The following GPD2 variants were observed in gnomAD, a reference collection of about 807,000 sequenced individuals.
GPD2 encodes the protein glycerol-3-phosphate dehydrogenase 2.
A neutral mutation model predicts 82.4 loss-of-function variants in GPD2; 54 were observed. That is an observed-to-expected ratio of 0.66 (90% CI 0.53 to 0.82). GPD2 has a LOEUF of 0.82. Among genes scored for constraint, GPD2 ranks in the 40% least tolerant of loss-of-function variants. The pLI, the probability that GPD2 is intolerant of heterozygous loss-of-function variation, is 0.00. For missense variants in GPD2, 748 were observed against 896.2 expected (o/e 0.83, Z 2.11); for synonymous variants, 288 against 306.1 (o/e 0.94, Z 0.62).
At position 156,586,376 on chromosome 2, in the gene GPD2, A is replaced by G. The variant is rs1688214967; in HGVS notation, c.*3458A>G. On this transcript the variant is annotated 3_prime_UTR_variant, in exon 17 of 17. Coordinates refer to ENST00000438166, the MANE Select transcript of GPD2 (RefSeq NM_000408.5). ...TTCTGTATTTGTGCAATCCTATTCT[A>G]CAATTACATTCATCCTATTACAACT... 6.6e-6 allele frequency: 1 copy of G among 152,036 alleles called. No homozygotes were observed. The highest frequency in any genetic ancestry group is 1.5e-5 in the Non-Finnish European group (1 of 67,940). The allele number at this position is 152,036 out of a possible 1,614,324, so 9.4% of individuals were successfully genotyped here.
chr2:156,452,698 A>C (rs747616637), intron 1 of GPD2, among the ~76,000 whole-genome samples: 1 of 152,228 alleles, frequency 6.6e-6, no homozygotes, highest in African/African-American at 2.4e-5. Flanking sequence ...GTGAATTTCT[A>C]TGCTGACAAA....
intron 3 of GPD2, among the ~76,000 whole-genome samples, chr2:156,500,356 C>T (rs1684544963): frequency 6.6e-6 from 1 of 151,996 alleles, no homozygotes; most frequent in South Asian, 2.1e-4. Flanking sequence ...ACTACAATTC[C>T]TGATCATATC....
intron 8 of GPD2, among the ~76,000 whole-genome samples, chr2:156,556,239 A>G (rs1363009366): frequency 1.3e-5 from 2 of 152,188 alleles, no homozygotes; most frequent in Non-Finnish European, 2.9e-5. Context: ...CAAACCAAAT[A>G]GAATTACGTT....
At chr2:156,425,094 T>TG in the GPD2 span, among the ~76,000 whole-genome samples, 2 of 151,388 alleles carry the variant, frequency 1.3e-5, no homozygotes, top group Non-Finnish European at 2.9e-5. Flanking sequence ...ATTTTATTTT[T>TG]TTTTTTGTTT....
the GPD2 span, among the ~76,000 whole-genome samples, chr2:156,417,998 C>T: frequency 2.0e-5 from 3 of 152,072 alleles, no homozygotes; most frequent in Non-Finnish European, 2.9e-5. Flanking sequence ...GGGCGGATCA[C>T]GAGGTCAGGA....
At chr2:156,544,975 GT>G (rs1215467832) in intron 6 of GPD2, among the ~76,000 whole-genome samples, 8 of 152,124 alleles carry the variant, frequency 5.3e-5, no homozygotes, top group Non-Finnish European at 1.0e-4. Flanking sequence ...AAATTGCCTT[GT>G]TATCACAATT....
At chr2:156,455,128 C>T (rs907912205) in intron 1 of GPD2, among the ~76,000 whole-genome samples, 5 of 151,986 alleles carry the variant, frequency 3.3e-5, no homozygotes, top group Admixed American at 6.6e-5. Context: ...TCGTGCTGTC[C>T]CCTCTGTAAT....
chr2:156,427,214 A>C, the GPD2 span, among the ~76,000 whole-genome samples: 1 of 152,340 alleles, frequency 6.6e-6, no homozygotes, highest in East Asian at 1.9e-4. Flanking sequence ...CTGGCTGCTG[A>C]AAGCCACTTA....
At chr2:156,418,447 G>A in the GPD2 span, among the ~76,000 whole-genome samples, 1 of 151,966 alleles carries the variant, frequency 6.6e-6, no homozygotes, top group South Asian at 2.1e-4. Flanking sequence ...ATAAAAAAAA[G>A]GACCAAAAAT....
intron 6 of GPD2, among the ~76,000 whole-genome samples, chr2:156,537,737 G>A (rs564124921): frequency 7.9e-5 from 12 of 152,134 alleles, no homozygotes; most frequent in Admixed American, 6.5e-4. Context: ...GCTGTATTAC[G>A]GTACTATTTA....
chr2:156,435,214 C>T (rs552326397), upstream of GPD2: 1 of 152,320 alleles, frequency 6.6e-6, no homozygotes, highest in Non-Finnish European at 1.5e-5. Context: ...TTGGTTCACA[C>T]TAATTTTCTT....
intron 2 of GPD2, among the ~76,000 whole-genome samples, chr2:156,492,147 CTTTTTTT>C (rs770947790): frequency 8.0e-5 from 6 of 75,470 alleles, no homozygotes; most frequent in African/African-American, 2.7e-4. Flanking sequence ...CCCTCCCTAC[CTTTTTTT>C]TTTTTTTTTT....
intron 6 of GPD2, among the ~76,000 whole-genome samples, chr2:156,514,129 CTTTT>C (rs5835618): frequency 2.8e-5 from 4 of 141,710 alleles, no homozygotes; most frequent in Admixed American, 6.9e-5. Context: ...AATGTTCATT[CTTTT>C]TTTTTTTTTT....
chr2:156,506,921 T>G (rs1684804212), intron 3 of GPD2, among the ~76,000 whole-genome samples: 1 of 152,210 alleles, frequency 6.6e-6, no homozygotes, highest in Admixed American at 6.5e-5. Context: ...TAATAATAAA[T>G]TAACAAGCAC....
chr2:156,461,649 G>A (rs916593041), intron 1 of GPD2, among the ~76,000 whole-genome samples: 1 of 152,098 alleles, frequency 6.6e-6, no homozygotes, highest in African/African-American at 2.4e-5. Context: ...CCAAGTGCTG[G>A]GATTACAGGC....
chr2:156,570,320 CAT>C, intron 12 of GPD2, 102 bp downstream of exon 12: 1 of 1,007,692 alleles, frequency 9.9e-7, no homozygotes, highest in South Asian at 1.3e-5. Context: ...TTTTAATGCA[CAT>C]ATGTCAGCTA....
chr2:156,501,582 G>A (rs1397156386), intron 3 of GPD2, among the ~76,000 whole-genome samples: 1 of 152,144 alleles, frequency 6.6e-6, no homozygotes, highest in Non-Finnish European at 1.5e-5. Flanking sequence ...GAGAGCCTTG[G>A]AGATAGTGCA....
intron 1 of GPD2, among the ~76,000 whole-genome samples, chr2:156,467,654 G>A (rs969886059): frequency 2.6e-5 from 4 of 152,302 alleles, no homozygotes; most frequent in African/African-American, 9.6e-5. Context: ...TCTTTCCATA[G>A]GGATTGTCTT....
intron 1 of GPD2, among the ~76,000 whole-genome samples, chr2:156,471,664 C>G (rs148051769): frequency 1.3e-4 from 20 of 152,354 alleles, no homozygotes; most frequent in Middle Eastern, 3.4e-3. Flanking sequence ...CTCCAAAATC[C>G]TGTCTTCACT....
Sources: allele counts gnomAD v4.1 joint callset (sites outside exome capture counted in the v4.1 genomes callset), GRCh38; gene constraint gnomAD v4.1.1; transcripts MANE v1.5; gene names NCBI Gene and HGNC (gene_info 2026-07-23, HGNC 2026-07-21).